SEMA5A: variants seen among roughly 807,000 people sequenced by gnomAD.
The protein encoded by SEMA5A is semaphorin-5A.
A neutral mutation model predicts 135.5 loss-of-function variants in SEMA5A; 55 were observed. The ratio of observed to expected loss-of-function variants is 0.41; its 90% CI spans 0.33 to 0.51. The LOEUF (loss-of-function observed/expected upper bound fraction) is 0.51. SEMA5A is among the 20% of genes least tolerant of loss of function. The probability of loss-of-function intolerance (pLI) is 0.37; values close to 1 mark genes in which losing one functional copy is unlikely to be tolerated. For missense variants in SEMA5A, 1,290 were observed against 1,419.9 expected (o/e 0.91, Z 1.47); for synonymous variants, 580 against 546.5 (o/e 1.06, Z -0.85).
intron 4 of SEMA5A, among the ~76,000 whole-genome samples, chr5:9,320,707 G>C (rs1752591343): frequency 6.6e-6 from 1 of 152,134 alleles, no homozygotes; most frequent in Non-Finnish European, 1.5e-5. Context: ...GACAGAGAGA[G>C]ATCCTGTCTC....
intron 6 of SEMA5A, among the ~76,000 whole-genome samples, chr5:9,230,070 G>A (rs759145946): frequency 5.3e-5 from 8 of 151,262 alleles, no homozygotes; most frequent in African/African-American, 9.7e-5. Flanking sequence ...CTGCAGCCTC[G>A]ACCACTTGGG....
intron 11 of SEMA5A, among the ~76,000 whole-genome samples, chr5:9,170,976 G>T (rs893801183): frequency 2.0e-5 from 3 of 152,096 alleles, no homozygotes; most frequent in Non-Finnish European, 4.4e-5. Context: ...TGGGTCAAAA[G>T]AGCTGAGAGA....
At chr5:9,180,394 AC>A (rs573030713) in intron 11 of SEMA5A, among the ~76,000 whole-genome samples, 42 of 152,204 alleles carry the variant, frequency 2.8e-4, no homozygotes, top group Non-Finnish European at 5.4e-4. Context: ...TATGTAATGT[AC>A]CCCCTTCAGT....
At chr5:9,160,089 G>T (rs992345030) in intron 11 of SEMA5A, among the ~76,000 whole-genome samples, 3 of 152,034 alleles carry the variant, frequency 2.0e-5, no homozygotes, top group Non-Finnish European at 4.4e-5. Context: ...TAGAAGACAG[G>T]TCAATAGGTG....
rs190904630 is a variant in SEMA5A, at chr5:9,511,144, A to G, written c.-175+34440T>C. Among the ~76,000 whole-genome samples the G allele has an allele frequency of 2.3e-3, 343 of 152,340 alleles. 1 individual carries two copies. The highest frequency in any genetic ancestry group is 3.9e-3 in the South Asian group (19 of 4,822). On this transcript the variant is annotated intron_variant, in intron 1 of 22. Coordinates refer to ENST00000382496, the MANE Select transcript of SEMA5A (RefSeq NM_003966.3). ...ACCCTATGGAATTCATTTACAATGA[A>G]TCATTATAATATATTCTTTAACTCT...
At position 9,055,075 on chromosome 5, in the gene SEMA5A, C is replaced by A. The variant is rs111592546; in HGVS notation, c.2519-818G>T. Reference sequence around the variant, plus strand: ...AGGCTGGGCTCTTGGTACCTGTAGACCCGCCTGCTGAATGCTGGGGTCAGG... The same window carrying A: ...AGGCTGGGCTCTTGGTACCTGTAGAACCGCCTGCTGAATGCTGGGGTCAGG... On this transcript the variant is annotated intron_variant, in intron 18 of 22. Transcript: ENST00000382496. Among the ~76,000 whole-genome samples, 23 of 152,288 alleles carry A rather than the reference C, an allele frequency of 1.5e-4. 1 individual carries two copies. Among genetic ancestry groups the A allele is most frequent in the Admixed American group, 6.5e-4 (10 of 15,298 alleles).
intron 11 of SEMA5A, among the ~76,000 whole-genome samples, chr5:9,158,504 T>TA (rs3842073): frequency 9.7e-4 from 141 of 144,800 alleles, no homozygotes; most frequent in East Asian, 4.8e-3. Context: ...GATCAACAAG[T>TA]AAAAAAAAAA....
intron 5 of SEMA5A, among the ~76,000 whole-genome samples, chr5:9,306,224 T>G (rs1366605009): frequency 6.6e-6 from 1 of 152,222 alleles, no homozygotes; most frequent in African/African-American, 2.4e-5. Flanking sequence ...ACCAGGCACA[T>G]AGCTTCTGCC....
intron 15 of SEMA5A, among the ~76,000 whole-genome samples, chr5:9,111,708 C>T (rs924646531): frequency 6.6e-6 from 1 of 152,180 alleles, no homozygotes; most frequent in East Asian, 1.9e-4. Flanking sequence ...ACTAGGCTAA[C>T]TCTGTCTCTT....
At chr5:9,057,950 T>C (rs1193260226) in intron 18 of SEMA5A, among the ~76,000 whole-genome samples, 1 of 152,178 alleles carries the variant, frequency 6.6e-6, no homozygotes, top group African/African-American at 2.4e-5. Flanking sequence ...ATTTCTAAAA[T>C]AGACATTTCA....
At chr5:9,382,237 C>G (rs1024255430) in intron 2 of SEMA5A, among the ~76,000 whole-genome samples, 1 of 152,096 alleles carries the variant, frequency 6.6e-6, no homozygotes, top group Non-Finnish European at 1.5e-5. Context: ...AAGCTCAAGT[C>G]TGCAGACAGC....
intron 1 of SEMA5A, among the ~76,000 whole-genome samples, chr5:9,520,470 A>T (rs1173611802): frequency 6.6e-6 from 1 of 152,114 alleles, no homozygotes; most frequent in African/African-American, 2.4e-5. Context: ...AGAGGGGCTT[A>T]GAAGGTGAGG....
At chr5:9,374,086 C>T (rs1024161179) in intron 3 of SEMA5A, among the ~76,000 whole-genome samples, 3 of 152,268 alleles carry the variant, frequency 2.0e-5, no homozygotes, top group East Asian at 1.9e-4. Context: ...TATGTGTGAA[C>T]GGTGCATCTG....
intron 5 of SEMA5A, among the ~76,000 whole-genome samples, chr5:9,275,619 C>CA (rs746044570): frequency 6.6e-6 from 1 of 152,160 alleles, no homozygotes; most frequent in African/African-American, 2.4e-5. Context: ...AGCAGCACAT[C>CA]AAAAAGCTTG....
At chr5:9,305,239 T>G (rs1439832857) in intron 5 of SEMA5A, among the ~76,000 whole-genome samples, 2 of 152,316 alleles carry the variant, frequency 1.3e-5, no homozygotes, top group Admixed American at 1.3e-4. Context: ...TTTATCAAAT[T>G]TATTTACTAA....
At chr5:9,374,005 C>T (rs1240063058) in intron 3 of SEMA5A, among the ~76,000 whole-genome samples, 3 of 152,186 alleles carry the variant, frequency 2.0e-5, no homozygotes, top group Non-Finnish European at 2.9e-5. Context: ...TGCTGAGAAA[C>T]ATGCTGTCTT....
intron 1 of SEMA5A, among the ~76,000 whole-genome samples, chr5:9,461,539 T>C (rs967831105): frequency 1.3e-5 from 2 of 152,290 alleles, no homozygotes; most frequent in East Asian, 1.9e-4. Context: ...TAGAGAATGA[T>C]ATTTTTCCAA....
At chr5:9,105,153 C>A (rs1213889064) in intron 16 of SEMA5A, among the ~76,000 whole-genome samples, 5 of 152,216 alleles carry the variant, frequency 3.3e-5, no homozygotes, top group Non-Finnish European at 7.3e-5. Flanking sequence ...ATCCAAGGCT[C>A]TGGGTTTCCC....
chr5:9,063,228 T>C, intron 17 of SEMA5A, 123 bp from the exon 18 acceptor site: 2 of 985,784 alleles, frequency 2.0e-6, no homozygotes, highest in South Asian at 3.2e-5. Flanking sequence ...CACATTCCGT[T>C]GAGCTCTTTT....
Sources: allele counts gnomAD v4.1 joint callset (sites outside exome capture counted in the v4.1 genomes callset), GRCh38; gene constraint gnomAD v4.1.1; transcripts MANE v1.5; gene names NCBI Gene and HGNC (gene_info 2026-07-23, HGNC 2026-07-21).